Variants in UNC13C observed in about 807,000 individuals in gnomAD.
UNC13C encodes unc-13 homolog C.
In UNC13C, 174 loss-of-function variants were observed where a neutral mutation model predicts 245.4. The ratio of observed to expected loss-of-function variants is 0.71; its 90% confidence interval spans 0.63 to 0.80. The LOEUF is 0.80. UNC13C is among the 30% of genes least tolerant of loss of function. The pLI, the probability that UNC13C is intolerant of heterozygous loss-of-function variation, is 0.00. For synonymous variants in UNC13C, 992 were observed against 895.1 expected (o/e 1.11, Z -1.93); for missense variants, 2,829 against 2,602.9 (o/e 1.09, Z -1.89).
intron 15 of UNC13C, among the ~76,000 whole-genome samples, chr15:54,332,564 T>C (rs962201731): frequency 2.0e-5 from 3 of 152,044 alleles, no homozygotes; most frequent in African/African-American, 7.2e-5. Context: ...GTACCATTTG[T>C]TCCTGCAAAG....
At chr15:54,188,479 A>G (rs557152585) in intron 4 of UNC13C, among the ~76,000 whole-genome samples, 30 of 152,308 alleles carry the variant, frequency 2.0e-4, no homozygotes, top group Non-Finnish European at 4.0e-4. Flanking sequence ...ATAATTGGGT[A>G]CAACAAACTA....
chr15:54,474,197 T>C (rs1211562871), intron 19 of UNC13C, among the ~76,000 whole-genome samples: 2 of 151,974 alleles, frequency 1.3e-5, no homozygotes, highest in African/African-American at 4.8e-5. Context: ...TACCCAGTAG[T>C]GGAATTGCCA....
At chr15:53,896,872 C>G in the UNC13C span, among the ~76,000 whole-genome samples, 5 of 152,272 alleles carry the variant, frequency 3.3e-5, no homozygotes, top group African/African-American at 1.2e-4. Flanking sequence ...ACCCGGGACA[C>G]TGATGACCTC....
At chr15:54,614,410 C>T (rs1900295251) in intron 30 of UNC13C, among the ~76,000 whole-genome samples, 2 of 151,912 alleles carry the variant, frequency 1.3e-5, no homozygotes, top group Non-Finnish European at 2.9e-5. Context: ...CTTTTTGAAT[C>T]CATAATTTCC....
chr15:54,352,926 C>T (rs1286757071), intron 17 of UNC13C, among the ~76,000 whole-genome samples: 2 of 152,076 alleles, frequency 1.3e-5, no homozygotes, highest in East Asian at 1.9e-4. Flanking sequence ...TTGATTTTTA[C>T]AATTTTATCT....
At chr15:53,854,500 A>C in the UNC13C span, among the ~76,000 whole-genome samples, 3 of 152,000 alleles carry the variant, frequency 2.0e-5, no homozygotes, top group African/African-American at 7.2e-5. Context: ...TCCAGTTTTA[A>C]TTTTCTGCAT....
intron 19 of UNC13C, among the ~76,000 whole-genome samples, chr15:54,489,036 G>A (rs1567321806): frequency 6.6e-6 from 1 of 152,042 alleles, no homozygotes. Context: ...AATTTGATAT[G>A]ACAATATCTT....
intron 25 of UNC13C, among the ~76,000 whole-genome samples, chr15:54,526,378 G>A (rs188803150): frequency 3.3e-5 from 5 of 152,146 alleles, no homozygotes; most frequent in Non-Finnish European, 5.9e-5. Flanking sequence ...TTAAATATTA[G>A]TTAAATAACT....
intron 4 of UNC13C, among the ~76,000 whole-genome samples, chr15:54,209,587 GT>G (rs1199699844): frequency 1.3e-5 from 2 of 151,930 alleles, no homozygotes; most frequent in Admixed American, 1.3e-4. Flanking sequence ...AACTTTCTGT[GT>G]TTTTTTGTAG....
rs79509449 is a variant in UNC13C, at chr15:54,190,161, T to C, written c.3072-44869T>C. Among the ~76,000 whole-genome samples, 923 of 152,206 alleles carry C rather than the reference T, an allele frequency of 6.1e-3. 56 individuals carry two copies. In the East Asian group the frequency reaches 0.11, roughly 18 times the overall value. On this transcript the variant is annotated intron_variant, in intron 4 of 32. Coordinates refer to ENST00000260323, the MANE Select transcript of UNC13C (RefSeq NM_001080534.3). ...CTACAAGTTGGTTAATACTCTTACC[T>C]CCATTAGGGTGATAAGGAAACTGAG...
Position 54,573,265 on chromosome 15 carries a change from A to AAG in UNC13C, c.6106+5322_6106+5323dup, listed in dbSNP as rs1006680096. Among the ~76,000 whole-genome samples, 65 of 151,982 alleles carry AAG rather than the reference A, an allele frequency of 4.3e-4. 2 individuals are homozygous for AAG. Among genetic ancestry groups the AAG allele is most frequent in the Admixed American group, 3.6e-3 (55 of 15,272 alleles). ...TTCCTCCTTCATTATTCTCTTTTGG[A>AAG]AGAGATTTGGATGTCATCTTTCTGT... is the stretch of plus-strand genomic sequence containing the variant. On this transcript the variant is annotated intron_variant, in intron 30 of 32. Coordinates refer to ENST00000260323, the MANE Select transcript of UNC13C (RefSeq NM_001080534.3).
chr15:54,380,188 T>C (rs1214250707), intron 17 of UNC13C, among the ~76,000 whole-genome samples: 1 of 148,808 alleles, frequency 6.7e-6, no homozygotes, highest in Non-Finnish European at 1.5e-5. Context: ...TTCTACTATC[T>C]ACTTCTATGA....
chr15:54,028,214 G>A (rs1566960432), intron 2 of UNC13C, among the ~76,000 whole-genome samples: 1 of 152,138 alleles, frequency 6.6e-6, no homozygotes. Context: ...TGTACACAAT[G>A]AACTATTTTC....
chr15:54,272,974 T>C (rs1472031290), intron 10 of UNC13C, among the ~76,000 whole-genome samples: 4 of 152,208 alleles, frequency 2.6e-5, no homozygotes, highest in African/African-American at 7.2e-5. Context: ...TGCAAGGTGC[T>C]ATGAACTTGA....
intron 2 of UNC13C, among the ~76,000 whole-genome samples, chr15:54,109,386 G>C (rs1423064620): frequency 7.8e-6 from 1 of 127,898 alleles, no homozygotes; most frequent in Non-Finnish European, 1.6e-5. Flanking sequence ...CTGTCGCCCA[G>C]GCTAGAGTGC....
At chr15:54,499,367 A>T (rs1427409865) in intron 20 of UNC13C, among the ~76,000 whole-genome samples, 5 of 152,128 alleles carry the variant, frequency 3.3e-5, no homozygotes, top group African/African-American at 1.2e-4. Context: ...CACCTCCAAC[A>T]TTGAGGACTA....
intron 1 of UNC13C, among the ~76,000 whole-genome samples, chr15:54,004,637 A>G (rs1396419532): frequency 6.6e-6 from 1 of 152,194 alleles, no homozygotes; most frequent in Non-Finnish European, 1.5e-5. Context: ...ATAGTATACA[A>G]GGGCTTCCTT....
intron 2 of UNC13C, chr15:54,050,152 G>A (rs1365428015): frequency 5.2e-6 from 2 of 387,396 alleles, no homozygotes; most frequent in Non-Finnish European, 1.0e-5. Context: ...TGTATTTTTA[G>A]TAGAGACAGG....
At chr15:54,236,518 C>A in intron 6 of UNC13C, 83 bp downstream of exon 6, 3 of 1,038,938 alleles carry the variant, frequency 2.9e-6, no homozygotes, top group South Asian at 1.6e-5. Context: ...TAAAAGAGGG[C>A]AAGAATGGAG....
Sources: allele counts gnomAD v4.1 joint callset (sites outside exome capture counted in the v4.1 genomes callset), GRCh38; gene constraint gnomAD v4.1.1; transcripts MANE v1.5; gene names NCBI Gene and HGNC (gene_info 2026-07-23, HGNC 2026-07-21).